The following CDH20 variants were observed in gnomAD, a reference collection of about 807,000 sequenced individuals.
The protein encoded by CDH20 is cadherin 20.
CDH20 carries 29 observed loss-of-function variants against 74.2 expected under a neutral mutation model. The observed-to-expected ratio is 0.39, with a 90% confidence interval of 0.29 to 0.53. The LOEUF is 0.53. Ranked by LOEUF, CDH20 falls within the 20% of genes least tolerant of loss-of-function variation. The pLI, the probability that CDH20 is intolerant of heterozygous loss-of-function variation, is 0.69. For missense variants in CDH20, 988 were observed against 1,048.3 expected, an observed-to-expected ratio of 0.94 and a Z score of 0.79; for synonymous variants, 469 against 405.4, an observed-to-expected ratio of 1.16 and a Z score of -1.88.
chr18:61,453,371 G>A (rs778703924), intron 1 of CDH20, among the ~76,000 whole-genome samples: 1 of 152,042 alleles, frequency 6.6e-6, no homozygotes, highest in African/African-American at 2.4e-5. Context: ...TCCATCTCCC[G>A]GGTTCAAGTG....
At chr18:61,436,795 T>G (rs555934115) in intron 1 of CDH20, among the ~76,000 whole-genome samples, 27 of 152,192 alleles carry the variant, frequency 1.8e-4, no homozygotes, top group African/African-American at 4.3e-4. Context: ...GCTAAGCAAA[T>G]CAGGCTTTTC....
chr18:61,365,949 G>T (rs1230634809), intron 1 of CDH20, among the ~76,000 whole-genome samples: 1 of 152,008 alleles, frequency 6.6e-6, no homozygotes, highest in African/African-American at 2.4e-5. Flanking sequence ...AAACTTTTTT[G>T]GTTGAAATAT....
intron 2 of CDH20, among the ~76,000 whole-genome samples, chr18:61,494,793 A>C (rs2144305413): frequency 6.6e-6 from 1 of 152,318 alleles, no homozygotes; most frequent in East Asian, 1.9e-4. Flanking sequence ...GGATGCTGAG[A>C]GCTTGTGCAC....
intron 10 of CDH20, among the ~76,000 whole-genome samples, chr18:61,545,941 CAT>C (rs1913232767): frequency 6.6e-6 from 1 of 152,086 alleles, no homozygotes; most frequent in Admixed American, 6.6e-5. Flanking sequence ...CTAAGGGGCT[CAT>C]AGACCCAGCA....
chr18:61,339,240 A>C (rs756460458), intron 1 of CDH20, among the ~76,000 whole-genome samples: 3 of 152,108 alleles, frequency 2.0e-5, no homozygotes, highest in Admixed American at 6.6e-5. Context: ...CTCTTTATAA[A>C]AAAAGTGGTA....
intron 1 of CDH20, among the ~76,000 whole-genome samples, chr18:61,403,041 T>G (rs1912208343): frequency 6.6e-6 from 1 of 152,174 alleles, no homozygotes; most frequent in Admixed American, 6.5e-5. Context: ...TAACAACCAT[T>G]TTTATGATCC....
At chr18:61,342,836 G>T (rs1025349101) in intron 1 of CDH20, among the ~76,000 whole-genome samples, 5 of 152,240 alleles carry the variant, frequency 3.3e-5, no homozygotes, top group Middle Eastern at 3.4e-3. Flanking sequence ...TATATGATTT[G>T]TAAAAAAGAT....
intron 1 of CDH20, among the ~76,000 whole-genome samples, chr18:61,349,190 C>T (rs1313613604): frequency 1.3e-5 from 2 of 152,086 alleles, no homozygotes; most frequent in African/African-American, 2.4e-5. Context: ...GTTCTGTGTG[C>T]CCTAACAGCT....
At chr18:61,358,985 C>T (rs116677899) in intron 1 of CDH20, among the ~76,000 whole-genome samples, 265 of 152,156 alleles carry the variant, frequency 1.7e-3, no homozygotes, top group African/African-American at 5.9e-3. Context: ...GTCTCACAAC[C>T]TTCTGTTTTT....
intron 1 of CDH20, among the ~76,000 whole-genome samples, chr18:61,457,265 G>A (rs865782416): frequency 6.6e-6 from 1 of 151,990 alleles, no homozygotes; most frequent in Non-Finnish European, 1.5e-5. Context: ...TAGAACACCT[G>A]GTCTGAATAG....
intron 1 of CDH20, among the ~76,000 whole-genome samples, chr18:61,479,986 T>C (rs1255322323): frequency 6.6e-6 from 1 of 152,154 alleles, no homozygotes; most frequent in Admixed American, 6.6e-5. Context: ...ATGGTGAAAG[T>C]CTATCTTGAA....
chr18:61,370,997 ATG>A (rs1489344119), intron 1 of CDH20, among the ~76,000 whole-genome samples: 1 of 152,130 alleles, frequency 6.6e-6, no homozygotes, highest in African/African-American at 2.4e-5. Flanking sequence ...AATAAAATCT[ATG>A]TTACTGAACA....
At chr18:61,377,493 T>A (rs1911277178) in intron 1 of CDH20, among the ~76,000 whole-genome samples, 1 of 150,930 alleles carries the variant, frequency 6.6e-6, no homozygotes, top group South Asian at 2.1e-4. Flanking sequence ...TTAGCCTTCC[T>A]TCAGATTGTC....
At chr18:61,369,290 A>G (rs1345332746) in intron 1 of CDH20, among the ~76,000 whole-genome samples, 2 of 152,150 alleles carry the variant, frequency 1.3e-5, no homozygotes, top group African/African-American at 4.8e-5. Flanking sequence ...GTCTGACTGC[A>G]AGGCCCATAT....
chr18:61,472,518 C>T (rs1910219064), intron 1 of CDH20, among the ~76,000 whole-genome samples: 1 of 152,080 alleles, frequency 6.6e-6, no homozygotes, highest in South Asian at 2.1e-4. Context: ...GGGGCAAGCT[C>T]GGGAAAATGC....
chr18:61,453,989 G>A (rs1055826604), intron 1 of CDH20, among the ~76,000 whole-genome samples: 3 of 152,046 alleles, frequency 2.0e-5, no homozygotes, highest in East Asian at 1.9e-4. Context: ...ACTGTTTTAC[G>A]TCAGCCATTC....
At position 61,528,450 on chromosome 18, in the gene CDH20, C is replaced by CACACAT. The variant is rs1555683473; in HGVS notation, c.1271+235_1271+236insTACACA. Among the ~76,000 whole-genome samples the CACACAT allele has an allele frequency of 3.4e-5, 5 of 145,542 alleles. No homozygotes were observed. The South Asian group carries it at 6.8e-4, about 20-fold the overall frequency. ...AACTCACTTTCAATTGGTTGAGACA[C>CACACAT]ACACACACACACACACACACACACA... is the stretch of plus-strand genomic sequence containing the variant. On this transcript the variant is annotated intron_variant, in intron 7 of 11. Coordinates refer to ENST00000262717, the MANE Select transcript of CDH20 (RefSeq NM_031891.4).
At chr18:61,422,752 A>G (rs1333494778) in intron 1 of CDH20, among the ~76,000 whole-genome samples, 3 of 150,744 alleles carry the variant, frequency 2.0e-5, no homozygotes, top group Non-Finnish European at 3.0e-5. Context: ...AATGTTTTAA[A>G]TATATAAAAT....
At chr18:61,516,746 T>G (rs1357979805) in intron 6 of CDH20, among the ~76,000 whole-genome samples, 1 of 152,208 alleles carries the variant, frequency 6.6e-6, no homozygotes, top group Non-Finnish European at 1.5e-5. Context: ...ATTTAAATGT[T>G]AAGAGCTGAG....
Sources: allele counts gnomAD v4.1 joint callset (sites outside exome capture counted in the v4.1 genomes callset), GRCh38; gene constraint gnomAD v4.1.1; transcripts MANE v1.5; gene names NCBI Gene and HGNC (gene_info 2026-07-23, HGNC 2026-07-21).